PDE10A: variants seen among roughly 807,000 people sequenced by gnomAD.
PDE10A encodes the protein cAMP and cAMP-inhibited cGMP 3',5'-cyclic phosphodiesterase 10A.
Under a neutral mutation model 97.7 loss-of-function variants are expected in PDE10A, and 39 were observed. That is an observed-to-expected ratio of 0.40 (90% CI 0.31 to 0.52). The LOEUF (loss-of-function observed/expected upper bound fraction) is 0.52, where lower values mean the gene tolerates loss of function less well. Among genes scored for constraint, PDE10A ranks in the 20% least tolerant of loss-of-function variants. The pLI is 0.56. For missense variants in PDE10A, 731 were observed against 1,047.8 expected, an observed-to-expected ratio of 0.70 and a Z score of 4.17; for synonymous variants, 371 against 376.8, an observed-to-expected ratio of 0.98 and a Z score of 0.18.
At chr6:165,949,605 C>T (rs1783888572) in intron 1 of PDE10A, 1 of 152,136 alleles carries the variant, frequency 6.6e-6, no homozygotes, top group Non-Finnish European at 1.5e-5. Context: ...CGCTGACCAT[C>T]CCCCACATGA....
chr6:165,798,633 T>C (rs1270776436), intron 1 of PDE10A, among the ~76,000 whole-genome samples: 1 of 152,128 alleles, frequency 6.6e-6, no homozygotes, highest in African/African-American at 2.4e-5. Context: ...TCATATTTAA[T>C]AGAAAAATCT....
At chr6:165,352,144 GCAC>G (rs1782735474) in intron 18 of PDE10A, among the ~76,000 whole-genome samples, 3 of 152,168 alleles carry the variant, frequency 2.0e-5, no homozygotes, top group Admixed American at 2.0e-4. Flanking sequence ...ATGAGCCACT[GCAC>G]CCAGACAATT....
intron 1 of PDE10A, among the ~76,000 whole-genome samples, chr6:165,613,039 TTATC>T (rs1787569366): frequency 1.3e-5 from 2 of 152,232 alleles, no homozygotes; most frequent in African/African-American, 4.8e-5. Flanking sequence ...TAAGTTCTCT[TTATC>T]TAGAGGATAG....
intron 18 of PDE10A, among the ~76,000 whole-genome samples, chr6:165,352,688 C>A (rs2128187427): frequency 6.7e-6 from 1 of 149,652 alleles, no homozygotes; most frequent in South Asian, 2.1e-4. Context: ...GACCTTAGAA[C>A]CTTTAGAAAA....
chr6:165,709,257 C>T (rs369521430), intron 1 of PDE10A, among the ~76,000 whole-genome samples: 22 of 143,782 alleles, frequency 1.5e-4, no homozygotes, highest in African/African-American at 5.7e-4. Context: ...CCCCACTCTC[C>T]ATCCCCATGC....
intron 1 of PDE10A, among the ~76,000 whole-genome samples, chr6:165,889,903 C>CTCCTCA (rs1781734293): frequency 1.6e-5 from 1 of 61,312 alleles, no homozygotes; most frequent in Non-Finnish European, 3.6e-5. Context: ...TCCCTCCCTC[C>CTCCTCA]CTCCTCCCTC....
In PDE10A at chr6:165,627,870, G is replaced by T. The variant is rs527356562; in HGVS notation, c.865+34077C>A. 5.9e-5 allele frequency among the ~76,000 whole-genome samples: 9 copies of T among 152,294 alleles called. No individual in the cohort carries two copies. The South Asian group carries it at 1.7e-3, about 28-fold the overall frequency. ...AATTCATCTGAATGAAATCTGAGAAGCCGCATTACCTATCACCAAGTCCAA... is the reference window on the plus strand; with the variant it reads ...AATTCATCTGAATGAAATCTGAGAATCCGCATTACCTATCACCAAGTCCAA... On this transcript the variant is annotated intron_variant, in intron 1 of 21. Coordinates refer to ENST00000539869, the MANE Select transcript of PDE10A (RefSeq NM_001385079.1).
intron 1 of PDE10A, among the ~76,000 whole-genome samples, chr6:165,556,725 A>G (rs1399640530): frequency 3.3e-5 from 5 of 152,186 alleles, no homozygotes. Context: ...TCGGCTATGA[A>G]AGGGCAAGTA....
At chr6:165,854,607 T>C (rs1435552560) in intron 1 of PDE10A, among the ~76,000 whole-genome samples, 1 of 151,932 alleles carries the variant, frequency 6.6e-6, no homozygotes, top group African/African-American at 2.4e-5. Context: ...GGCCTCGCCG[T>C]CTTGTCTTGC....
chr6:165,937,557 A>G (rs1783375578), intron 1 of PDE10A, among the ~76,000 whole-genome samples: 1 of 152,248 alleles, frequency 6.6e-6, no homozygotes, highest in South Asian at 2.1e-4. Context: ...AGAAATATTT[A>G]TTGGAAGAGT....
Position 165,661,634 on chromosome 6 carries a change from G to T in PDE10A, c.865+313C>A, listed in dbSNP as rs1048568992. ...GCGCCGGACAAGTGTGGCCAGAAACGGCACGAGGGGCGGAGAAGGAGGCGG... is the reference window on the plus strand; with the variant it reads ...GCGCCGGACAAGTGTGGCCAGAAACTGCACGAGGGGCGGAGAAGGAGGCGG... On this transcript the variant is annotated intron_variant, in intron 1 of 21. Transcript: ENST00000539869. This position sits in a 1 kb window ranked among gnomAD's most constrained non-coding sequence, Gnocchi z 4.8. The T allele has an allele frequency of 1.4e-5, 5 of 356,142 alleles. 1 individual carries two copies. In the South Asian group the frequency reaches 1.7e-4, roughly 12 times the overall value. 22.1% of individuals were successfully genotyped at this position (356,142 alleles called of 1,614,324 possible).
chr6:165,592,949 G>A (rs1180666058), intron 1 of PDE10A, among the ~76,000 whole-genome samples: 2 of 152,270 alleles, frequency 1.3e-5, no homozygotes, highest in Admixed American at 6.5e-5. Flanking sequence ...CCATTACTGG[G>A]TATATACCCA....
intron 3 of PDE10A, among the ~76,000 whole-genome samples, chr6:165,480,022 C>G (rs1317323387): frequency 6.6e-6 from 1 of 152,142 alleles, no homozygotes; most frequent in Non-Finnish European, 1.5e-5. Context: ...CTCATTTTAC[C>G]AGGGTCAAGA....
At chr6:165,611,867 A>G (rs1490150794) in intron 1 of PDE10A, among the ~76,000 whole-genome samples, 1 of 152,234 alleles carries the variant, frequency 6.6e-6, no homozygotes, top group Non-Finnish European at 1.5e-5. Context: ...GAAGCAATTT[A>G]CCAAATTCAA....
At chr6:165,733,950 C>A (rs898890102) in intron 1 of PDE10A, among the ~76,000 whole-genome samples, 4 of 152,068 alleles carry the variant, frequency 2.6e-5, no homozygotes, top group African/African-American at 9.7e-5. Flanking sequence ...AATGTGACAT[C>A]CCTACACTCA....
intron 1 of PDE10A, among the ~76,000 whole-genome samples, chr6:165,654,175 CT>C (rs1789822600): frequency 6.6e-6 from 1 of 152,344 alleles, no homozygotes; most frequent in South Asian, 2.1e-4. Context: ...CCGATCCCCC[CT>C]GTACACCGGT....
At chr6:165,641,051 G>A (rs1328083942) in intron 1 of PDE10A, among the ~76,000 whole-genome samples, 4 of 152,316 alleles carry the variant, frequency 2.6e-5, no homozygotes, top group East Asian at 1.9e-4. Context: ...TTCAAGGCAA[G>A]CTGATCACAG....
intron 1 of PDE10A, among the ~76,000 whole-genome samples, chr6:165,921,500 A>T (rs1782751601): frequency 6.6e-6 from 1 of 152,234 alleles, no homozygotes; most frequent in African/African-American, 2.4e-5. Context: ...AGAAGATGAT[A>T]CATGCCATGG....
chr6:165,866,722 A>G (rs1287573152), intron 1 of PDE10A, among the ~76,000 whole-genome samples: 1 of 151,632 alleles, frequency 6.6e-6, no homozygotes. Flanking sequence ...GAGAATCTCC[A>G]TTGGAATAAT....
Sources: gnomAD v4.1 joint callset for allele counts (sites outside exome capture counted in the v4.1 genomes callset) on GRCh38, gnomAD v4.1.1 for gene constraint, Gnocchi (gnomAD v3.1) non-coding constraint, MANE v1.5 for transcripts, NCBI Gene and HGNC (gene_info 2026-07-23, HGNC 2026-07-21) for gene names.